LRRC4C: variants seen among roughly 807,000 people sequenced by gnomAD.
LRRC4C encodes the protein leucine rich repeat containing 4C, also known as leucine-rich repeat-containing protein 4C.
LRRC4C carries 5 observed loss-of-function variants against 33.6 expected under a neutral mutation model. The observed-to-expected ratio is 0.15, with a 90% confidence interval of 0.08 to 0.31. The LOEUF (loss-of-function observed/expected upper bound fraction) is 0.31, where lower values mean the gene tolerates loss of function less well. Among genes scored for constraint, LRRC4C ranks in the 10% least tolerant of loss-of-function variants. The pLI is 1.00. For synonymous variants in LRRC4C, 329 were observed against 302.0 expected (o/e 1.09, Z -0.93); for missense variants, 560 against 796.7 (o/e 0.70, Z 3.58).
At chr11:41,393,961 A>G (rs1210264743) in intron 1 of LRRC4C, among the ~76,000 whole-genome samples, 2 of 151,844 alleles carry the variant, frequency 1.3e-5, no homozygotes, top group Non-Finnish European at 2.9e-5. Context: ...AATTTTTTTT[A>G]AGTAGTTCTT....
chr11:40,662,929 T>G (rs1943522130), intron 2 of LRRC4C, among the ~76,000 whole-genome samples: 1 of 152,166 alleles, frequency 6.6e-6, no homozygotes. Context: ...ATAGTAGTAG[T>G]GGTGTGGTTG....
At chr11:40,638,656 A>G (rs946997407) in intron 3 of LRRC4C, among the ~76,000 whole-genome samples, 3 of 152,200 alleles carry the variant, frequency 2.0e-5, no homozygotes, top group African/African-American at 7.2e-5. Context: ...TTTTTCCACA[A>G]AGAATGAAGG....
At chr11:40,144,780 A>G (rs1378182987) in intron 5 of LRRC4C, among the ~76,000 whole-genome samples, 2 of 152,210 alleles carry the variant, frequency 1.3e-5, no homozygotes, top group African/African-American at 4.8e-5. Flanking sequence ...TTAATAGAAG[A>G]AATCAAATAT....
chr11:41,266,591 A>C (rs1949159159), intron 1 of LRRC4C, among the ~76,000 whole-genome samples: 1 of 152,164 alleles, frequency 6.6e-6, no homozygotes, highest in African/African-American at 2.4e-5. Context: ...AATTAAAGAG[A>C]ATGAAATGTG....
intron 3 of LRRC4C, among the ~76,000 whole-genome samples, chr11:40,495,000 C>T (rs2138555171): frequency 6.6e-6 from 1 of 152,222 alleles, no homozygotes; most frequent in South Asian, 2.1e-4. Flanking sequence ...AAAATGTACA[C>T]ATAAAGTTCA....
intron 2 of LRRC4C, among the ~76,000 whole-genome samples, chr11:40,763,895 C>A (rs1344394320): frequency 6.6e-6 from 1 of 152,182 alleles, no homozygotes; most frequent in Non-Finnish European, 1.5e-5. Context: ...CACAGGGCTG[C>A]AATTCCTAGG....
At chr11:41,117,722 CT>C (rs1028767318) in intron 1 of LRRC4C, among the ~76,000 whole-genome samples, 2 of 152,012 alleles carry the variant, frequency 1.3e-5, no homozygotes, top group Non-Finnish European at 2.9e-5. Flanking sequence ...TCTTTTGCCC[CT>C]ACCCTCCAAT....
At chr11:40,246,166 G>T (rs1304981766) in intron 4 of LRRC4C, among the ~76,000 whole-genome samples, 2 of 151,754 alleles carry the variant, frequency 1.3e-5, no homozygotes, top group African/African-American at 4.8e-5. Context: ...TAGAGACAGG[G>T]TTTCACCATG....
intron 2 of LRRC4C, among the ~76,000 whole-genome samples, chr11:40,656,466 G>A (rs1015369618): frequency 1.4e-4 from 19 of 132,710 alleles, no homozygotes; most frequent in Non-Finnish European, 2.1e-4. Flanking sequence ...TTACAGAAGT[G>A]GGTCACTTTT....
At chr11:40,591,272 T>G (rs1473540659) in intron 3 of LRRC4C, among the ~76,000 whole-genome samples, 1 of 152,108 alleles carries the variant, frequency 6.6e-6, no homozygotes, top group Non-Finnish European at 1.5e-5. Context: ...TTTCTTTGAC[T>G]AGGAAAGGGA....
At chr11:41,040,921 C>T (rs61067914) in intron 1 of LRRC4C, among the ~76,000 whole-genome samples, 12,594 of 152,118 alleles carry the variant, frequency 0.083, 568 homozygotes, top group Non-Finnish European at 0.099. Context: ...AAGTGAGCAA[C>T]GCATGCCTCA....
At chr11:40,446,842 A>G (rs1590763799) in intron 3 of LRRC4C, 1 of 152,032 alleles carries the variant, frequency 6.6e-6, no homozygotes, top group Non-Finnish European at 1.5e-5. Context: ...CATGGGAAAA[A>G]CCACCCCCAT....
At chr11:41,013,069 T>C (rs976045015) in intron 1 of LRRC4C, among the ~76,000 whole-genome samples, 1 of 152,202 alleles carries the variant, frequency 6.6e-6, no homozygotes, top group African/African-American at 2.4e-5. Context: ...ATTCACAGGA[T>C]TGTTTTAAGG....
chr11:41,075,029 T>TA (rs201736893), intron 1 of LRRC4C, among the ~76,000 whole-genome samples: 11,309 of 40,574 alleles, frequency 0.28, 1,044 homozygotes, highest in East Asian at 0.44. Flanking sequence ...TTTTTTTTTT[T>TA]TTTTTTTATT....
At chr11:40,743,238 C>A (rs1024792081) in intron 2 of LRRC4C, among the ~76,000 whole-genome samples, 1 of 151,994 alleles carries the variant, frequency 6.6e-6, no homozygotes, top group Non-Finnish European at 1.5e-5. Context: ...TGCAAAGGAC[C>A]AGGCACTTTG....
chr11:41,258,919 A>G (rs1301393565), intron 1 of LRRC4C, among the ~76,000 whole-genome samples: 1 of 152,066 alleles, frequency 6.6e-6, no homozygotes, highest in Non-Finnish European at 1.5e-5. Flanking sequence ...CAAATAATCT[A>G]AAAATAAACA....
chr11:40,126,467 G>T (rs890205065), intron 6 of LRRC4C, among the ~76,000 whole-genome samples: 5 of 152,146 alleles, frequency 3.3e-5, no homozygotes, highest in Non-Finnish European at 5.9e-5. Flanking sequence ...AATAAGGATT[G>T]TAAGAGAGGT....
intron 1 of LRRC4C, among the ~76,000 whole-genome samples, chr11:41,375,506 T>C (rs2137828731): frequency 6.6e-6 from 1 of 152,268 alleles, no homozygotes; most frequent in East Asian, 1.9e-4. Context: ...GGAGAATCAT[T>C]TGCTATGACA....
At chr11:40,517,538 C>T (rs921831546) in intron 3 of LRRC4C, among the ~76,000 whole-genome samples, 3 of 152,108 alleles carry the variant, frequency 2.0e-5, no homozygotes, top group African/African-American at 7.2e-5. Flanking sequence ...ATAACACCCC[C>T]TTTTTAGAAG....
Sources: gnomAD v4.1 joint callset for allele counts (sites outside exome capture counted in the v4.1 genomes callset) on GRCh38, gnomAD v4.1.1 for gene constraint, MANE v1.5 for transcripts, NCBI Gene and HGNC (gene_info 2026-07-23, HGNC 2026-07-21) for gene names.